Variants in TBK1 observed in about 807,000 individuals in gnomAD.
TBK1 encodes the protein TANK binding kinase 1, also known as serine/threonine-protein kinase TBK1.
TBK1 carries 37 observed loss-of-function variants against 99.9 expected under a neutral mutation model. The ratio of observed to expected loss-of-function variants is 0.37; its 90% confidence interval spans 0.28 to 0.49. The LOEUF (loss-of-function observed/expected upper bound fraction) is 0.49. Ranked by LOEUF, TBK1 falls within the 20% of genes least tolerant of loss-of-function variation. The probability of loss-of-function intolerance (pLI) is 0.98; values close to 1 mark genes in which losing one functional copy is unlikely to be tolerated. For synonymous variants in TBK1, 258 were observed against 279.8 expected (o/e 0.92, Z 0.78); for missense variants, 644 against 872.5 (o/e 0.74, Z 3.30).
intron 4 of TBK1, among the ~76,000 whole-genome samples, chr12:64,465,092 TAAAAAATAGCCAAGCATGGTGGC>T (rs2040588150): frequency 7.2e-6 from 1 of 139,584 alleles, no homozygotes; most frequent in African/African-American, 2.7e-5. Flanking sequence ...AAAAATAAAA[TAAAAAATAGCCAAGCATGGTGGC>T]ATGCACTTGT....
chr12:64,490,140 G>A (rs761842205), intron 13 of TBK1, 21 bp downstream of exon 13: 26 of 1,555,876 alleles, frequency 1.7e-5, no homozygotes, highest in East Asian at 1.6e-4. Context: ...ACAAAATTAC[G>A]AAATTTGTAA....
intron 6 of TBK1, 152 bp downstream of exon 6, chr12:64,474,542 CT>C: frequency 1.3e-6 from 1 of 741,440 alleles, no homozygotes; most frequent in East Asian, 2.7e-5. Context: ...AGAATGCAGC[CT>C]TATAAAAGTT....
chr12:64,453,807 A>G (rs562146802), intron 1 of TBK1, among the ~76,000 whole-genome samples: 25 of 152,332 alleles, frequency 1.6e-4, no homozygotes, highest in Admixed American at 3.3e-4. Flanking sequence ...GATACTTTGT[A>G]TACCTTGATA....
chr12:64,485,919 T>G lies in TBK1; in HGVS notation c.1249-7T>G. ...CACCAAATATTGACATTTTATTTCT[T>G]TATTAGGCAATAACAGGGGTTGTGT... is the stretch of plus-strand genomic sequence containing the variant. On this transcript the variant is annotated splice_region_variant and splice_polypyrimidine_tract_variant and intron_variant, in intron 10 of 20. Transcript: ENST00000331710. The G allele has an allele frequency of 6.4e-7, 1 of 1,556,660 alleles. No homozygotes were observed. The highest frequency in any genetic ancestry group is 1.2e-5 in the South Asian group (1 of 82,178).
chr12:64,467,890 T>C (rs1342276720), intron 5 of TBK1, among the ~76,000 whole-genome samples: 1 of 152,202 alleles, frequency 6.6e-6, no homozygotes, highest in Non-Finnish European at 1.5e-5. Context: ...TGATGATCTT[T>C]TAGATAAGAG....
intron 5 of TBK1, among the ~76,000 whole-genome samples, chr12:64,471,898 G>A (rs1565816182): frequency 6.6e-6 from 1 of 152,070 alleles, no homozygotes; most frequent in Non-Finnish European, 1.5e-5. Context: ...GTATATTATT[G>A]CACCGTGTGA....
At chr12:64,456,570 G>T (rs1008651623) in intron 2 of TBK1, among the ~76,000 whole-genome samples, 3 of 152,194 alleles carry the variant, frequency 2.0e-5, no homozygotes, top group African/African-American at 7.2e-5. Context: ...GCCGGGCGCG[G>T]TGGCTCACGC....
At chr12:64,458,109 A>ACACACACACATACACACACG (rs2040508109) in intron 2 of TBK1, among the ~76,000 whole-genome samples, 3 of 151,708 alleles carry the variant, frequency 2.0e-5, no homozygotes, top group Non-Finnish European at 4.4e-5. Context: ...ACACACACAC[A>ACACACACACATACACACACG]CACACACACA....
Position 64,485,465 on chromosome 12 carries a change from T to C in TBK1, c.1200T>C (p.Pro400=). The change falls in exon 10 of 21, where the codon CCT becomes CCC. Residue 400 remains proline, a synonymous_variant. Coordinates refer to ENST00000331710, the MANE Select transcript of TBK1 (RefSeq NM_013254.4). ...IGLIYEKISL[P]KVHPRYDLDG... The stretch of plus-strand genomic sequence containing the variant: ...TACTTCATATTTCAGTTTCCCTCCC[T>C]AAAGTACATCCACGTTATGATTTAG... 2 of 1,552,416 alleles carry C rather than the reference T, an allele frequency of 1.3e-6. No individual in the cohort carries two copies. The highest frequency in any genetic ancestry group is 1.8e-6 in the Non-Finnish European group (2 of 1,139,208).
At chr12:64,460,150 A>G in intron 2 of TBK1, 39 bp from the exon 3 acceptor site, 1 of 1,345,544 alleles carries the variant, frequency 7.4e-7, no homozygotes, top group Non-Finnish European at 1.0e-6. Context: ...CTTTTACAAT[A>G]TTATGAATAA....
intron 5 of TBK1, among the ~76,000 whole-genome samples, chr12:64,472,363 T>G (rs887096858): frequency 1.5e-4 from 22 of 151,536 alleles, no homozygotes; most frequent in Non-Finnish European, 1.0e-4. Context: ...CCTACACTGG[T>G]TCCCAGTTCC....
At chr12:64,485,680 T>A in intron 10 of TBK1, 167 bp downstream of exon 10, 2 of 465,408 alleles carry the variant, frequency 4.3e-6, no homozygotes, top group Non-Finnish European at 3.7e-6. Context: ...TCTTTTTTAC[T>A]TTTTATCCTT....
intron 8 of TBK1, among the ~76,000 whole-genome samples, chr12:64,482,420 C>A (rs545444392): frequency 4.1e-4 from 62 of 151,844 alleles, no homozygotes; most frequent in Middle Eastern, 3.4e-3. Context: ...CTATGATAAC[C>A]CTATGCAGAT....
intron 20 of TBK1, among the ~76,000 whole-genome samples, chr12:64,500,505 G>A (rs188955898): frequency 3.9e-4 from 60 of 151,952 alleles, no homozygotes; most frequent in African/African-American, 1.4e-3. Flanking sequence ...TCTGTCATGG[G>A]TATTACAGCC....
At chr12:64,468,387 G>A (rs1040097585) in intron 5 of TBK1, among the ~76,000 whole-genome samples, 4 of 151,888 alleles carry the variant, frequency 2.6e-5, no homozygotes, top group African/African-American at 9.7e-5. Context: ...CAGCTACTTT[G>A]GGAGGTTGAG....
intron 3 of TBK1, among the ~76,000 whole-genome samples, chr12:64,463,253 T>C (rs2040567715): frequency 6.6e-6 from 1 of 151,916 alleles, no homozygotes; most frequent in Non-Finnish European, 1.5e-5. Context: ...TCGTCTGTAG[T>C]CCCATCTATT....
chr12:64,484,957 G>T (rs1454479861), intron 9 of TBK1, among the ~76,000 whole-genome samples: 1 of 152,130 alleles, frequency 6.6e-6, no homozygotes, highest in African/African-American at 2.4e-5. Flanking sequence ...AAAATCGTTT[G>T]TCATACGTTT....
intron 2 of TBK1, among the ~76,000 whole-genome samples, chr12:64,458,711 A>G (rs2040516389): frequency 6.6e-6 from 1 of 152,058 alleles, no homozygotes; most frequent in Non-Finnish European, 1.5e-5. Flanking sequence ...AAATTGTATT[A>G]TTTTCCCTGC....
intron 1 of TBK1, among the ~76,000 whole-genome samples, chr12:64,453,145 C>CTGAG (rs1401921209): frequency 6.6e-6 from 1 of 152,168 alleles, no homozygotes. Context: ...TGTGGGTGTG[C>CTGAG]TGAGTCATGT....
Sources: gnomAD v4.1 joint callset for allele counts (sites outside exome capture counted in the v4.1 genomes callset) on GRCh38, gnomAD v4.1.1 for gene constraint, MANE v1.5 for transcripts, NCBI Gene and HGNC (gene_info 2026-07-23, HGNC 2026-07-21) for gene names.